The following LINC00305 variants were observed in gnomAD, a reference collection of about 807,000 sequenced individuals.
The protein encoded by LINC00305 is long independently transcribed non-coding RNA 305.
intron 1 of LINC00305, among the ~76,000 whole-genome samples, chr18:64,116,209 T>G (rs1252130804): frequency 6.6e-6 from 1 of 152,146 alleles, no homozygotes; most frequent in Admixed American, 6.5e-5. Flanking sequence ...AAGAATTCAG[T>G]AACAAAAAGT....
chr18:64,132,535 C>T (rs942123253), intron 1 of LINC00305, among the ~76,000 whole-genome samples: 2 of 152,132 alleles, frequency 1.3e-5, no homozygotes, highest in African/African-American at 4.8e-5. Flanking sequence ...TCATGGATAC[C>T]ATAATTGTAT....
intron 1 of LINC00305, among the ~76,000 whole-genome samples, chr18:64,107,357 C>T (rs540974152): frequency 6.6e-6 from 1 of 152,164 alleles, no homozygotes; most frequent in African/African-American, 2.4e-5. Flanking sequence ...AGGGGGAGGA[C>T]TGTGACCTAT....
intron 3 of LINC00305, among the ~76,000 whole-genome samples, chr18:64,089,721 TG>T (rs1422458011): frequency 2.0e-5 from 3 of 152,180 alleles, no homozygotes; most frequent in Admixed American, 6.5e-5. Flanking sequence ...TCCATGTGGC[TG>T]GGGAGGCCTC....
rs17062702 is a variant in LINC00305, at chr18:64,145,952, T to C, written n.314+2823A>G. Among the ~76,000 whole-genome samples the C allele has an allele frequency of 5.7e-3, 874 of 152,244 alleles. 9 individuals are homozygous for C. Among genetic ancestry groups the C allele is most frequent in the African/African-American group, 0.02 (840 of 41,530 alleles). ...TAATTTTTGGACTCACAAGATAGATTGCAGACAAAGCTGTTAGAAAAATGT... is the reference window on the plus strand; with the variant it reads ...TAATTTTTGGACTCACAAGATAGATCGCAGACAAAGCTGTTAGAAAAATGT... On this transcript the variant is annotated intron_variant and non_coding_transcript_variant, in intron 1 of 3. Transcript: ENST00000666468.
At chr18:64,098,263 G>A (rs2051254232) in intron 2 of LINC00305, among the ~76,000 whole-genome samples, 1 of 152,154 alleles carries the variant, frequency 6.6e-6, no homozygotes, top group South Asian at 2.1e-4. Context: ...CGTGTTTATA[G>A]GTACGGCAGA....
At chr18:64,137,102 T>C (rs1424988215) in intron 1 of LINC00305, among the ~76,000 whole-genome samples, 1 of 152,204 alleles carries the variant, frequency 6.6e-6, no homozygotes, top group Non-Finnish European at 1.5e-5. Context: ...AATTAGTGAC[T>C]GGTGTCTTTC....
chr18:64,145,927 T>C (rs1027269807), intron 1 of LINC00305, among the ~76,000 whole-genome samples: 9 of 152,300 alleles, frequency 5.9e-5, no homozygotes, highest in Admixed American at 5.9e-4. Context: ...CGAAAATCAT[T>C]AATTTTTGGA....
intron 1 of LINC00305, among the ~76,000 whole-genome samples, chr18:64,143,170 G>A (rs527383815): frequency 6.6e-6 from 1 of 152,156 alleles, no homozygotes; most frequent in African/African-American, 2.4e-5. Context: ...TGGGTTATGT[G>A]GTTATAATAT....
In LINC00305 at chr18:64,115,255, G is replaced by A. The variant is rs772152464; in HGVS notation, n.315-16615C>T. Among the ~76,000 whole-genome samples the A allele has an allele frequency of 3.3e-5, 5 of 152,120 alleles. No individual in the cohort carries two copies. In the South Asian group the frequency reaches 6.2e-4, roughly 19 times the overall value. On this transcript the variant is annotated intron_variant and non_coding_transcript_variant, in intron 1 of 3. Coordinates refer to ENST00000666468, the Ensembl canonical transcript of LINC00305. ...GTTCCCAAATGTCCACTGTACATAC[G>A]CAGGCATCTTAGAAGGATGACACAG...
intron 1 of LINC00305, among the ~76,000 whole-genome samples, chr18:64,099,318 A>T (rs1237042552): frequency 6.6e-6 from 1 of 152,110 alleles, no homozygotes; most frequent in African/African-American, 2.4e-5. Context: ...TTTATTAATC[A>T]CTGATCTTGT....
At chr18:64,093,255 A>G (rs1473435826) in intron 3 of LINC00305, among the ~76,000 whole-genome samples, 1 of 152,208 alleles carries the variant, frequency 6.6e-6, no homozygotes, top group Non-Finnish European at 1.5e-5. Flanking sequence ...ACTTCCCCAC[A>G]TGAATATACC....
At chr18:64,145,009 G>T (rs184953379) in intron 1 of LINC00305, among the ~76,000 whole-genome samples, 2 of 152,184 alleles carry the variant, frequency 1.3e-5, no homozygotes, top group Non-Finnish European at 2.9e-5. Flanking sequence ...ATCTTGCCAC[G>T]GCTCTTCTAG....
chr18:64,115,986 A>G (rs2051335913), intron 1 of LINC00305, among the ~76,000 whole-genome samples: 1 of 152,164 alleles, frequency 6.6e-6, no homozygotes, highest in Non-Finnish European at 1.5e-5. Flanking sequence ...GTACTTTTCC[A>G]TTGGGTAAGG....
chr18:64,100,795 T>G (rs187834704), intron 1 of LINC00305, among the ~76,000 whole-genome samples: 1 of 152,304 alleles, frequency 6.6e-6, no homozygotes, highest in Admixed American at 6.5e-5. Context: ...GGCAGTTGCC[T>G]GCTATGTTCA....
intron 1 of LINC00305, among the ~76,000 whole-genome samples, chr18:64,145,291 G>C (rs1164402916): frequency 3.9e-5 from 6 of 152,136 alleles, no homozygotes; most frequent in African/African-American, 9.7e-5. Flanking sequence ...ACATACAAAT[G>C]TTATGTTAAA....
intron 1 of LINC00305, among the ~76,000 whole-genome samples, chr18:64,136,283 T>G (rs1437414064): frequency 6.6e-6 from 1 of 152,172 alleles, no homozygotes; most frequent in Non-Finnish European, 1.5e-5. Flanking sequence ...TCTTGGCTTG[T>G]TGTATTACTC....
chr18:64,083,372 G>A (rs1012542765), intron 3 of LINC00305, among the ~76,000 whole-genome samples: 2 of 152,116 alleles, frequency 1.3e-5, no homozygotes, highest in Admixed American at 1.3e-4. Flanking sequence ...AATTCTATTA[G>A]TGTGCCTGAC....
At chr18:64,136,584 G>A (rs965147316) in intron 1 of LINC00305, among the ~76,000 whole-genome samples, 1 of 152,210 alleles carries the variant, frequency 6.6e-6, no homozygotes, top group East Asian at 1.9e-4. Flanking sequence ...TGACACCTGC[G>A]GATTATTACA....
chr18:64,113,463 C>G (rs1211918532), intron 1 of LINC00305, among the ~76,000 whole-genome samples: 2 of 152,060 alleles, frequency 1.3e-5, no homozygotes, highest in African/African-American at 4.8e-5. Context: ...AAATTTCTGC[C>G]CTCCAAGTTC....
Sources: gnomAD v4.1 joint callset for allele counts (sites outside exome capture counted in the v4.1 genomes callset) on GRCh38, gnomAD v4.1.1 for gene constraint, MANE v1.5 for transcripts, NCBI Gene and HGNC (gene_info 2026-07-23, HGNC 2026-07-21) for gene names.